The following PRELID2 variants were observed in gnomAD, a reference collection of about 807,000 sequenced individuals.
The protein encoded by PRELID2 is PRELI domain containing 2.
PRELID2 carries 25 observed loss-of-function variants against 28.4 expected under a neutral mutation model. The observed-to-expected ratio is 0.88, with a 90% CI of 0.64 to 1.23. The LOEUF (loss-of-function observed/expected upper bound fraction) is 1.23. Ranked by LOEUF, PRELID2 falls within the 50% of genes most tolerant of loss-of-function variation. The pLI is 0.00. For missense variants in PRELID2, 201 were observed against 214.4 expected, an observed-to-expected ratio of 0.94 and a Z score of 0.39; for synonymous variants, 76 against 71.6, an observed-to-expected ratio of 1.06 and a Z score of -0.31.
At chr5:145,781,612 CTATATA>C (rs1017361743) in intron 5 of PRELID2, among the ~76,000 whole-genome samples, 1 of 145,560 alleles carries the variant, frequency 6.9e-6, no homozygotes, top group Non-Finnish European at 1.5e-5. Flanking sequence ...TATATACACA[CTATATA>C]TATACTATAT....
intron 1 of PRELID2, among the ~76,000 whole-genome samples, chr5:145,736,579 C>T (rs1756502761): frequency 6.6e-6 from 1 of 152,154 alleles, no homozygotes; most frequent in Non-Finnish European, 1.5e-5. Flanking sequence ...AGAATACATG[C>T]TAACTGAATA....
chr5:145,704,060 G>A (rs899835383), intron 1 of PRELID2: 3 of 152,182 alleles, frequency 2.0e-5, no homozygotes, highest in Admixed American at 2.0e-4. Flanking sequence ...GGGGTTTCTG[G>A]ATGTGAGCTC....
At position 145,493,267 on chromosome 5, in the gene PRELID2, C is replaced by T. The variant is rs188856687; in HGVS notation, n.71-19952G>A. ...TTTAATACTCCCTTCTCCCTCGCTG[C>T]CTATGTCCAGATGATCATCAGATCA... On this transcript the variant is annotated intron_variant and non_coding_transcript_variant, in intron 1 of 2. Coordinates refer to the PRELID2 transcript ENST00000510259. Among the ~76,000 whole-genome samples, 303 of 152,200 alleles carry T rather than the reference C, an allele frequency of 2.0e-3. 2 individuals carry two copies. Among genetic ancestry groups the T allele is most frequent in the Middle Eastern group, 0.014 (4 of 294 alleles).
chr5:145,574,547 C>A (rs1382043185), intron 1 of PRELID2, among the ~76,000 whole-genome samples: 3 of 152,218 alleles, frequency 2.0e-5, no homozygotes, highest in Admixed American at 6.5e-5. Context: ...GAGAAGGTGG[C>A]TGTCCTCACC....
At chr5:145,827,885 G>A (rs1755299449) in intron 1 of PRELID2, among the ~76,000 whole-genome samples, 1 of 152,126 alleles carries the variant, frequency 6.6e-6, no homozygotes, top group Non-Finnish European at 1.5e-5. Flanking sequence ...GTGGACAATT[G>A]ACAAAATCTA....
intron 1 of PRELID2, among the ~76,000 whole-genome samples, chr5:145,827,881 A>T (rs1162185723): frequency 6.6e-6 from 1 of 152,200 alleles, no homozygotes; most frequent in East Asian, 1.9e-4. Flanking sequence ...ACTAGTGGAC[A>T]ATTGACAAAA....
chr5:145,744,717 C>T (rs1020593130), intron 1 of PRELID2, among the ~76,000 whole-genome samples: 5 of 152,058 alleles, frequency 3.3e-5, no homozygotes, highest in African/African-American at 1.2e-4. Context: ...TCAGCATCCT[C>T]AAAGATCGAA....
intron 1 of PRELID2, among the ~76,000 whole-genome samples, chr5:145,608,541 C>G (rs62394195): frequency 0.14 from 21,551 of 152,124 alleles, 2,284 homozygotes; most frequent in African/African-American, 0.28. Context: ...GTTGGAATTT[C>G]TTTTCCTTAA....
the PRELID2 span, among the ~76,000 whole-genome samples, chr5:145,232,714 A>T: frequency 6.6e-6 from 1 of 152,162 alleles, no homozygotes; most frequent in African/African-American, 2.4e-5. Context: ...GTAATAGAAA[A>T]AAATTCATGT....
the PRELID2 span, among the ~76,000 whole-genome samples, chr5:145,353,161 T>C: frequency 3.3e-5 from 5 of 152,276 alleles, no homozygotes; most frequent in East Asian, 9.7e-4. Flanking sequence ...CATGCTGCTA[T>C]AAAGAAATAC....
the PRELID2 span, among the ~76,000 whole-genome samples, chr5:145,260,596 G>A: frequency 6.6e-6 from 1 of 152,214 alleles, no homozygotes; most frequent in African/African-American, 2.4e-5. Context: ...TGGATACATA[G>A]TAGGTGTGTG....
At chr5:145,373,939 T>C in the PRELID2 span, among the ~76,000 whole-genome samples, 15 of 141,758 alleles carry the variant, frequency 1.1e-4, no homozygotes, top group Admixed American at 1.0e-3. Context: ...TATAACATAA[T>C]ATATATGATA....
chr5:145,646,271 T>TATCA lies in PRELID2; in HGVS notation n.70+118656_70+118659dup, dbSNP rs1218667882. 9.2e-5 allele frequency among the ~76,000 whole-genome samples: 14 copies of TATCA among 152,358 alleles called. No homozygotes were observed. The East Asian group carries it at 2.5e-3, about 27-fold the overall frequency. ...TCTCTAATCTTTTCTTCTCACTTTA[T>TATCA]ATCATTAAGTTGATCTTCAATCTCT... On this transcript the variant is annotated intron_variant and non_coding_transcript_variant, in intron 1 of 2. Coordinates refer to the PRELID2 transcript ENST00000510259.
chr5:145,337,726 T>TATATATATAC, the PRELID2 span, among the ~76,000 whole-genome samples: 1 of 29,234 alleles, frequency 3.4e-5, no homozygotes, highest in Non-Finnish European at 6.0e-5. Flanking sequence ...TATATATATA[T>TATATATATAC]ATATACTCAC....
At chr5:145,238,985 C>G in the PRELID2 span, among the ~76,000 whole-genome samples, 1 of 151,964 alleles carries the variant, frequency 6.6e-6, no homozygotes, top group African/African-American at 2.4e-5. Context: ...ATCTATCTAT[C>G]TGTCTATCTA....
the PRELID2 span, among the ~76,000 whole-genome samples, chr5:145,285,275 A>G: frequency 6.6e-6 from 1 of 152,108 alleles, no homozygotes; most frequent in African/African-American, 2.4e-5. Flanking sequence ...TTGGGACTAT[A>G]ATGTTGGGAG....
the PRELID2 span, among the ~76,000 whole-genome samples, chr5:145,297,910 A>G: frequency 1.3e-5 from 2 of 152,132 alleles, no homozygotes; most frequent in African/African-American, 2.4e-5. Context: ...TCCAACTTAC[A>G]AGGGATGTGA....
At chr5:145,473,049 C>G (rs1224025874) in intron 2 of PRELID2, among the ~76,000 whole-genome samples, 1 of 152,154 alleles carries the variant, frequency 6.6e-6, no homozygotes, top group Non-Finnish European at 1.5e-5. Flanking sequence ...ATTTAAATTT[C>G]TTTTACTGTG....
chr5:145,278,708 G>A, the PRELID2 span, among the ~76,000 whole-genome samples: 1 of 151,990 alleles, frequency 6.6e-6, no homozygotes, highest in Non-Finnish European at 1.5e-5. Context: ...TCAAGGGGAG[G>A]GGTCCATCCA....
Sources: gnomAD v4.1 joint callset for allele counts (sites outside exome capture counted in the v4.1 genomes callset) on GRCh38, gnomAD v4.1.1 for gene constraint, MANE v1.5 for transcripts, NCBI Gene and HGNC (gene_info 2026-07-23, HGNC 2026-07-21) for gene names.